The following GAS7 variants were observed in gnomAD, a reference collection of about 807,000 sequenced individuals.
GAS7 encodes growth arrest specific 7.
Under a neutral mutation model 71.1 loss-of-function variants are expected in GAS7, and 28 were observed. The ratio of observed to expected loss-of-function variants is 0.39; its 90% CI spans 0.29 to 0.54. The LOEUF is 0.54. Among genes scored for constraint, GAS7 ranks in the 20% least tolerant of loss-of-function variants. GAS7 has a pLI of 0.62. For missense variants in GAS7, 436 were observed against 627.8 expected (o/e 0.69, Z 3.27); for synonymous variants, 258 against 245.8 (o/e 1.05, Z -0.46).
intron 11 of GAS7, among the ~76,000 whole-genome samples, chr17:9,921,249 C>G (rs60857837): frequency 6.6e-6 from 1 of 151,514 alleles, no homozygotes; most frequent in African/African-American, 2.4e-5. Context: ...CTCCACCTCC[C>G]GGGTTCAAGT....
chr17:9,976,477 C>G (rs940772239), intron 3 of GAS7, among the ~76,000 whole-genome samples: 1 of 152,222 alleles, frequency 6.6e-6, no homozygotes, highest in African/African-American at 2.4e-5. Context: ...GCTTCCTGAT[C>G]TGGAGAAGAA....
Position 9,916,915 on chromosome 17 carries a change from T to C in GAS7, c.*313A>G. The C allele has an allele frequency of 2.0e-6, 1 of 497,982 alleles. No individual in the cohort carries two copies. The highest frequency in any genetic ancestry group is 3.6e-6 in the Non-Finnish European group (1 of 280,574). The allele number at this position is 497,982 out of a possible 1,614,324, so 30.8% of individuals were successfully genotyped here. A position where few individuals can be genotyped will look rare whatever the true frequency, so the allele number is the denominator to read the frequency against. On this transcript the variant is annotated 3_prime_UTR_variant, in exon 14 of 14. Transcript: ENST00000432992. ...CTTCCAGGGCACAAGCATGTGACAG[T>C]GACCCCTACAAAACTCGGCAAGGAC...
In GAS7 at chr17:9,926,619, C is replaced by T. The variant is rs1485308786; in HGVS notation, c.1014+22G>A. 6.2e-7 allele frequency: 1 copy of T among 1,611,540 alleles called. No individual in the cohort carries two copies. The highest frequency in any genetic ancestry group is 8.5e-7 in the Non-Finnish European group (1 of 1,179,822). On this transcript the variant is annotated intron_variant, in intron 10 of 13. Coordinates refer to ENST00000432992, the MANE Select transcript of GAS7 (RefSeq NM_201433.2). The surrounding 1 kb of genome is among the most constrained non-coding windows in gnomAD (Gnocchi z 5.0). ...GCAGTCCCCCATGCACCTGCCCTGG[C>T]CCAGCGTCCTGGGCCTCTCACCTTC...
intron 1 of GAS7, among the ~76,000 whole-genome samples, chr17:10,040,404 G>A (rs557789215): frequency 6.6e-6 from 1 of 152,272 alleles, no homozygotes; most frequent in Non-Finnish European, 1.5e-5. Context: ...AGGACACCAA[G>A]AACTAAGAAA....
At chr17:10,163,643 G>C (rs2074272272) in intron 1 of GAS7, among the ~76,000 whole-genome samples, 1 of 152,010 alleles carries the variant, frequency 6.6e-6, no homozygotes, top group South Asian at 2.1e-4. Flanking sequence ...CTTCCACCTG[G>C]GTTGGGGGAT....
intron 1 of GAS7, among the ~76,000 whole-genome samples, chr17:10,136,349 A>C (rs756505183): frequency 1.3e-5 from 2 of 152,202 alleles, no homozygotes; most frequent in Non-Finnish European, 2.9e-5. Context: ...TATTTTTGAC[A>C]CTTAGTCCAG....
Position 10,178,867 on chromosome 17 carries a change from G to A in GAS7, c.183+19341C>T, listed in dbSNP as rs544812580. ...TTTCTTTGTTCGCTGGTTAACAGAG[G>A]GAATTAGAGAAAAAAGGTGAGCAGA... On this transcript the variant is annotated intron_variant, in intron 1 of 13. Coordinates refer to ENST00000432992, the MANE Select transcript of GAS7 (RefSeq NM_201433.2). 2.2e-4 allele frequency among the ~76,000 whole-genome samples: 34 copies of A among 151,862 alleles called. 2 individuals carry two copies. The South Asian group carries it at 6.4e-3, about 29-fold the overall frequency.
At chr17:10,150,664 C>T (rs1324089983) in intron 1 of GAS7, among the ~76,000 whole-genome samples, 1 of 149,386 alleles carries the variant, frequency 6.7e-6, no homozygotes, top group Non-Finnish European at 1.5e-5. Flanking sequence ...TCTCGGCTCA[C>T]TGCAACCTCT....
chr17:10,116,878 G>A (rs1036946146), intron 1 of GAS7, among the ~76,000 whole-genome samples: 1 of 151,940 alleles, frequency 6.6e-6, no homozygotes, highest in African/African-American at 2.4e-5. Flanking sequence ...GCTGGAAGGT[G>A]ATAAATGATG....
At chr17:10,190,742 A>G (rs972477521) in intron 1 of GAS7, among the ~76,000 whole-genome samples, 1 of 151,982 alleles carries the variant, frequency 6.6e-6, no homozygotes, top group African/African-American at 2.4e-5. Context: ...GGGGTGTCCA[A>G]TCTTTTGGCT....
At chr17:9,986,509 C>T (rs2070655523) in intron 2 of GAS7, among the ~76,000 whole-genome samples, 1 of 152,168 alleles carries the variant, frequency 6.6e-6, no homozygotes, top group South Asian at 2.1e-4. Flanking sequence ...CTCTCCCCAT[C>T]CCCCATCCTT....
intron 2 of GAS7, among the ~76,000 whole-genome samples, chr17:9,992,064 CTCA>C (rs1290221305): frequency 1.3e-5 from 2 of 152,100 alleles, no homozygotes; most frequent in African/African-American, 4.8e-5. Context: ...AGGAACTCAA[CTCA>C]TCATTTTTAT....
chr17:9,947,127 C>A (rs1056771461), intron 5 of GAS7, 144 bp from the exon 6 acceptor site: 26 of 574,184 alleles, frequency 4.5e-5, no homozygotes, highest in Non-Finnish European at 4.4e-5. Flanking sequence ...CAGGGGCCAG[C>A]ATTTCACATG....
chr17:10,072,582 T>C (rs2073351892), intron 1 of GAS7, among the ~76,000 whole-genome samples: 1 of 152,156 alleles, frequency 6.6e-6, no homozygotes, highest in Admixed American at 6.5e-5. Context: ...GCTTCTGCCT[T>C]CAAATATGCT....
At chr17:10,022,654 A>G (rs1359141695) in intron 1 of GAS7, among the ~76,000 whole-genome samples, 1 of 152,174 alleles carries the variant, frequency 6.6e-6, no homozygotes, top group Admixed American at 6.5e-5. Context: ...AGAGGGTAAC[A>G]ATACGTAACT....
intron 2 of GAS7, among the ~76,000 whole-genome samples, chr17:9,995,387 G>A (rs182699190): frequency 1.3e-5 from 2 of 152,162 alleles, no homozygotes; most frequent in African/African-American, 4.8e-5. Context: ...ATAAAGAGAC[G>A]AGGGAAAGAC....
At chr17:10,115,304 G>T (rs1006492163) in intron 1 of GAS7, among the ~76,000 whole-genome samples, 6 of 152,234 alleles carry the variant, frequency 3.9e-5, no homozygotes, top group Non-Finnish European at 8.8e-5. Flanking sequence ...GGAGCCCCCC[G>T]TGGGACTGGC....
At chr17:10,046,887 G>GAAAAGAAAA (rs2072981741) in intron 1 of GAS7, among the ~76,000 whole-genome samples, 1 of 150,468 alleles carries the variant, frequency 6.6e-6, no homozygotes, top group Non-Finnish European at 1.5e-5. Flanking sequence ...GAAAAGAAAA[G>GAAAAGAAAA]AAAAGAAAAG....
At chr17:10,049,835 TG>T (rs1303259648) in intron 1 of GAS7, among the ~76,000 whole-genome samples, 1 of 152,042 alleles carries the variant, frequency 6.6e-6, no homozygotes, top group African/African-American at 2.4e-5. Context: ...TTGGCCAGGC[TG>T]GTCTGGAACT....
Sources: allele counts gnomAD v4.1 joint callset (sites outside exome capture counted in the v4.1 genomes callset), GRCh38; gene constraint gnomAD v4.1.1; non-coding constraint Gnocchi (gnomAD v3.1); transcripts MANE v1.5; gene names NCBI Gene and HGNC (gene_info 2026-07-23, HGNC 2026-07-21).